FOXP1: variants seen among roughly 807,000 people sequenced by gnomAD.
FOXP1 encodes forkhead box protein P1.
In FOXP1, 15 loss-of-function variants were observed where a neutral mutation model predicts 98.2. The ratio of observed to expected loss-of-function variants is 0.15; its 90% CI spans 0.10 to 0.24. The LOEUF is 0.24. FOXP1 is among the 10% of genes least tolerant of loss of function. The probability of loss-of-function intolerance (pLI) is 1.00; values close to 1 mark genes in which losing one functional copy is unlikely to be tolerated. For missense variants in FOXP1, 633 were observed against 848.5 expected, an observed-to-expected ratio of 0.75 and a Z score of 3.15; for synonymous variants, 371 against 314.5, an observed-to-expected ratio of 1.18 and a Z score of -1.90.
At chr3:71,565,737 T>A (rs2046861761) in intron 2 of FOXP1, among the ~76,000 whole-genome samples, 1 of 152,200 alleles carries the variant, frequency 6.6e-6, no homozygotes, top group Non-Finnish European at 1.5e-5. Context: ...AGCAGATGAA[T>A]CTCATAAGCT....
chr3:71,132,215 A>C (rs1214522253), intron 6 of FOXP1, among the ~76,000 whole-genome samples: 1 of 152,234 alleles, frequency 6.6e-6, no homozygotes, highest in Non-Finnish European at 1.5e-5. Context: ...ATCTCTCAAC[A>C]GAAGAGCTAT....
Position 71,235,720 on chromosome 3 carries a change from C to G in FOXP1, c.-11-37328G>C, listed in dbSNP as rs181301136. ...TAGTTGGGACTAAAGGTGCGTGCCA[C>G]CATGCCCGGCTAATTTTTTGCATTT... On this transcript the variant is annotated intron_variant, in intron 5 of 20. Transcript: ENST00000649528. Among the ~76,000 whole-genome samples, 142 of 152,214 alleles carry G rather than the reference C, an allele frequency of 9.3e-4. 2 individuals are homozygous for G. The highest frequency in any genetic ancestry group is 6.8e-3 in the Admixed American group (104 of 15,294).
chr3:71,408,051 C>A (rs940673232), intron 3 of FOXP1, among the ~76,000 whole-genome samples: 1 of 152,178 alleles, frequency 6.6e-6, no homozygotes, highest in Non-Finnish European at 1.5e-5. Context: ...TCCCTGCCAA[C>A]GACTCCCTTC....
intron 5 of FOXP1, among the ~76,000 whole-genome samples, chr3:71,268,721 A>G (rs892162357): frequency 6.6e-6 from 1 of 152,156 alleles, no homozygotes; most frequent in Admixed American, 6.5e-5. Flanking sequence ...GGGAAGATGC[A>G]AGCAGGCATA....
chr3:71,416,983 C>G (rs2083271685), intron 3 of FOXP1, among the ~76,000 whole-genome samples: 1 of 152,106 alleles, frequency 6.6e-6, no homozygotes. Flanking sequence ...AAAAATCACT[C>G]AAGCTGATGA....
intron 14 of FOXP1, among the ~76,000 whole-genome samples, chr3:70,980,188 G>A (rs941609397): frequency 3.9e-5 from 6 of 152,252 alleles, no homozygotes; most frequent in Admixed American, 6.5e-5. Flanking sequence ...AGAAGCCAAG[G>A]GGGGAAGAGT....
At position 71,428,137 on chromosome 3, in the gene FOXP1, C is replaced by T. The variant is rs145717783; in HGVS notation, c.-168+65289G>A. Among the ~76,000 whole-genome samples, 12 of 152,218 alleles carry T rather than the reference C, an allele frequency of 7.9e-5. No homozygotes were observed. The East Asian group carries it at 2.1e-3, about 27-fold the overall frequency. The stretch of plus-strand genomic sequence containing the variant: ...GATAAGGGAAGAGCCCTTTTCCTCC[C>T]GTAGGAGGGTGAGACTGTCCCATCT... On this transcript the variant is annotated intron_variant, in intron 3 of 20. Transcript: ENST00000649528.
intron 4 of FOXP1, among the ~76,000 whole-genome samples, chr3:71,348,553 G>GTGTGTGCGCGCGCGCGCGCA (rs1553853270): frequency 6.1e-5 from 8 of 130,730 alleles, no homozygotes; most frequent in African/African-American, 2.5e-4. Flanking sequence ...GTGTGTGCGT[G>GTGTGTGCGCGCGCGCGCGCA]CGCGCGCGCA....
chr3:71,350,656 G>A (rs1295979551), intron 4 of FOXP1, among the ~76,000 whole-genome samples: 4 of 152,166 alleles, frequency 2.6e-5, no homozygotes, highest in African/African-American at 9.7e-5. Context: ...CATTGAAGAT[G>A]TCAAGCATTA....
At chr3:71,094,110 G>GAAT (rs1485155242) in intron 7 of FOXP1, among the ~76,000 whole-genome samples, 1 of 152,114 alleles carries the variant, frequency 6.6e-6, no homozygotes, top group Non-Finnish European at 1.5e-5. Flanking sequence ...AAAGGCCAGA[G>GAAT]AATAAATATT....
chr3:71,315,984 AAAGGAGACATTTCCACACTTCCGTT>A, intron 4 of FOXP1, among the ~76,000 whole-genome samples: 1 of 152,322 alleles, frequency 6.6e-6, no homozygotes, highest in Middle Eastern at 3.4e-3. Flanking sequence ...AGTAAGTGGA[AAAGGAGACATTTCCACACTTCCGTT>A]AAGAGGCAGC....
chr3:70,988,247 G>A (rs936705711), intron 13 of FOXP1, among the ~76,000 whole-genome samples, 170 bp from the exon 14 acceptor site: 3 of 152,202 alleles, frequency 2.0e-5, no homozygotes, highest in African/African-American at 7.2e-5. Flanking sequence ...GAAGTAACCG[G>A]AGGTGTTGGT....
intron 4 of FOXP1, among the ~76,000 whole-genome samples, chr3:71,342,435 C>T (rs1404539407): frequency 2.0e-5 from 3 of 151,980 alleles, no homozygotes; most frequent in Non-Finnish European, 2.9e-5. Context: ...TTTGAGAGAT[C>T]GAGGCAGGTG....
Position 71,319,986 on chromosome 3 carries a change from C to A in FOXP1, c.-72-20106G>T, listed in dbSNP as rs181757114. On this transcript the variant is annotated intron_variant, in intron 4 of 20. Coordinates refer to ENST00000649528, the MANE Select transcript of FOXP1 (RefSeq NM_001349338.3). The stretch of plus-strand genomic sequence containing the variant: ...TTTCCTTCACCCTGACCAACACTTG[C>A]CGGCCCACACAAGGGTGCCTCCCAC... Among the ~76,000 whole-genome samples the A allele has an allele frequency of 1.2e-4, 19 of 152,204 alleles. No individual in the cohort carries two copies. The East Asian group carries it at 3.3e-3, about 26-fold the overall frequency.
chr3:71,057,291 C>CTTT (rs10670020), intron 7 of FOXP1, among the ~76,000 whole-genome samples: 206 of 7,492 alleles, frequency 0.027, 91 homozygotes, highest in Non-Finnish European at 0.077. Flanking sequence ...AAAAACGAAA[C>CTTT]TTTTTTTTTT....
At chr3:71,328,990 C>CAAAAAAAAAA (rs56332143) in intron 4 of FOXP1, among the ~76,000 whole-genome samples, 1 of 59,026 alleles carries the variant, frequency 1.7e-5, no homozygotes, top group Non-Finnish European at 3.6e-5. Flanking sequence ...AAAAAAAAAA[C>CAAAAAAAAAA]AAAAAAAAAA....
At chr3:71,107,520 A>T (rs747054355) in intron 7 of FOXP1, among the ~76,000 whole-genome samples, 4 of 152,194 alleles carry the variant, frequency 2.6e-5, no homozygotes, top group Non-Finnish European at 4.4e-5. Flanking sequence ...TGATAACAGT[A>T]ACATCTTAAA....
At chr3:71,099,337 C>G (rs746106849) in intron 7 of FOXP1, among the ~76,000 whole-genome samples, 2 of 152,100 alleles carry the variant, frequency 1.3e-5, no homozygotes, top group Non-Finnish European at 2.9e-5. Context: ...ATGGTGAAAC[C>G]TCGTCCCTAC....
At chr3:71,278,423 G>GA (rs1383484906) in intron 5 of FOXP1, among the ~76,000 whole-genome samples, 1 of 152,150 alleles carries the variant, frequency 6.6e-6, no homozygotes, top group Non-Finnish European at 1.5e-5. Context: ...CTTCCCAGAA[G>GA]AAAACCCAGC....
Sources: gnomAD v4.1 joint callset for allele counts (sites outside exome capture counted in the v4.1 genomes callset) on GRCh38, gnomAD v4.1.1 for gene constraint, MANE v1.5 for transcripts, NCBI Gene and HGNC (gene_info 2026-07-23, HGNC 2026-07-21) for gene names.